The following SNX6 variants were observed in gnomAD, a reference collection of about 807,000 sequenced individuals.
SNX6 encodes the protein sorting nexin-6.
SNX6 carries 34 observed loss-of-function variants against 63.0 expected under a neutral mutation model. That is an observed-to-expected ratio of 0.54 (90% CI 0.41 to 0.72). The LOEUF (loss-of-function observed/expected upper bound fraction) is 0.72, where lower values mean the gene tolerates loss of function less well. Ranked by LOEUF, SNX6 falls within the 30% of genes least tolerant of loss-of-function variation. The probability of loss-of-function intolerance (pLI) is 0.00; values close to 1 mark genes in which losing one functional copy is unlikely to be tolerated. For missense variants in SNX6, 398 were observed against 471.4 expected (o/e 0.84, Z 1.44); for synonymous variants, 170 against 164.2 (o/e 1.04, Z -0.27).
chr14:34,587,684 C>G (rs566811148), intron 8 of SNX6, among the ~76,000 whole-genome samples: 1 of 151,888 alleles, frequency 6.6e-6, no homozygotes, highest in South Asian at 2.1e-4. Flanking sequence ...CAGGCATGAG[C>G]ACGGTGGCAT....
At chr14:34,573,599 T>A (rs1450394132) in intron 11 of SNX6, among the ~76,000 whole-genome samples, 2 of 151,822 alleles carry the variant, frequency 1.3e-5, no homozygotes, top group Non-Finnish European at 1.5e-5. Context: ...TTGTTTTTGG[T>A]TAGTGTTTTA....
chr14:34,593,076 A>G lies in SNX6; in HGVS notation c.687T>C (p.Ala229=). 3 of 1,608,072 alleles carry G rather than the reference A, an allele frequency of 1.9e-6. No homozygotes were observed. Among genetic ancestry groups the G allele is most frequent in the Non-Finnish European group, 2.5e-6 (3 of 1,178,152 alleles). ...EYHNRVKDAS[A]KSDRMTRSHK... is the part of the protein sequence containing the mutation. The stretch of plus-strand genomic sequence containing the variant: ...GGGATCTTGTCATTCTATCAGATTT[A>G]GCAGATGCATCCTTAACTCGGTTAT... The change falls in exon 8 of 14, where the codon GCT becomes GCC. Residue 229 remains alanine (A), a synonymous_variant. Transcript: ENST00000362031.
At chr14:34,567,260 G>A (rs1343030398) in intron 13 of SNX6, among the ~76,000 whole-genome samples, 7 of 151,998 alleles carry the variant, frequency 4.6e-5, no homozygotes, top group African/African-American at 1.7e-4. Flanking sequence ...GCTGAGGCAG[G>A]AGGATCATTT....
In SNX6 at chr14:34,607,476, G is replaced by C. The variant is rs548501970; in HGVS notation, c.270+554C>G. ...ACAAAAAAAATTAGCCGGGCATGGTGGTGGGTGCCTGTAATCCCAGCGACT... is the reference window on the plus strand; with the variant it reads ...ACAAAAAAAATTAGCCGGGCATGGTCGTGGGTGCCTGTAATCCCAGCGACT... On this transcript the variant is annotated intron_variant, in intron 4 of 13. Coordinates refer to ENST00000362031, the MANE Select transcript of SNX6 (RefSeq NM_152233.4). 7.6e-4 allele frequency among the ~76,000 whole-genome samples: 115 copies of C among 151,968 alleles called. 2 individuals are homozygous for C. In the South Asian group the frequency reaches 0.021, roughly 28 times the overall value.
intron 9 of SNX6, among the ~76,000 whole-genome samples, chr14:34,583,302 C>G (rs1882016511): frequency 6.6e-6 from 1 of 152,104 alleles, no homozygotes. Flanking sequence ...GAGCGAGACT[C>G]CGTCTCAAGA....
chr14:34,565,960 A>G (rs967638392), intron 13 of SNX6, among the ~76,000 whole-genome samples: 11 of 152,262 alleles, frequency 7.2e-5, no homozygotes, highest in Middle Eastern at 3.4e-3. Flanking sequence ...AAGTGCTGGG[A>G]TTACAGGCGT....
chr14:34,598,297 A>G (rs1293659741), intron 6 of SNX6, among the ~76,000 whole-genome samples: 1 of 152,148 alleles, frequency 6.6e-6, no homozygotes, highest in East Asian at 1.9e-4. Context: ...ATGTACTTCC[A>G]TTGCTTCAAT....
At chr14:34,606,266 G>A (rs570171288) in intron 4 of SNX6, among the ~76,000 whole-genome samples, 11 of 148,142 alleles carry the variant, frequency 7.4e-5, no homozygotes, top group East Asian at 6.0e-4. Flanking sequence ...GATTATAAGC[G>A]CACGACACCA....
chr14:34,575,617 A>C, intron 11 of SNX6, 139 bp downstream of exon 11: 1 of 439,626 alleles, frequency 2.3e-6, no homozygotes, highest in Non-Finnish European at 4.2e-6. Flanking sequence ...AATTTCTAAA[A>C]GGAGAAATAG....
chr14:34,591,274 C>G (rs1882381460), intron 8 of SNX6, among the ~76,000 whole-genome samples: 1 of 151,618 alleles, frequency 6.6e-6, no homozygotes, highest in Non-Finnish European at 1.5e-5. Flanking sequence ...TTGAGTGGTT[C>G]TTTTACATAT....
At chr14:34,572,475 T>C (rs1022064596) in intron 11 of SNX6, among the ~76,000 whole-genome samples, 1 of 152,150 alleles carries the variant, frequency 6.6e-6, no homozygotes, top group Admixed American at 6.6e-5. Context: ...AAATAGTTTA[T>C]AAGATATAAT....
intron 8 of SNX6, among the ~76,000 whole-genome samples, chr14:34,588,191 T>C (rs1401652824): frequency 1.3e-5 from 2 of 151,914 alleles, no homozygotes; most frequent in Non-Finnish European, 2.9e-5. Context: ...GTATTTTTAG[T>C]AGAGACAGGG....
At chr14:34,609,893 AT>A (rs1426482386) in intron 2 of SNX6, 151 bp from the exon 3 acceptor site, 3 of 568,036 alleles carry the variant, frequency 5.3e-6, no homozygotes, top group African/African-American at 1.9e-5. Context: ...TACTATATAC[AT>A]TTTGAAGCAG....
intron 11 of SNX6, among the ~76,000 whole-genome samples, chr14:34,574,188 T>C (rs1278122286): frequency 3.3e-5 from 5 of 149,744 alleles, no homozygotes; most frequent in Non-Finnish European, 5.9e-5. Flanking sequence ...ATACAAAAAT[T>C]AGCCAGGCGC....
At chr14:34,601,046 A>G (rs1455796570) in intron 6 of SNX6, among the ~76,000 whole-genome samples, 1 of 152,048 alleles carries the variant, frequency 6.6e-6, no homozygotes, top group Non-Finnish European at 1.5e-5. Flanking sequence ...TAGGCAGGGA[A>G]GGAAAAAATA....
In SNX6 at chr14:34,604,112, CAAG is replaced by C; in HGVS notation, c.393-644_393-642del. The C allele has an allele frequency of 3.3e-6, 4 of 1,223,686 alleles. No homozygotes were observed. In the South Asian group the frequency reaches 5.7e-5, roughly 17 times the overall value. 75.8% of individuals were successfully genotyped at this position (1,223,686 alleles called of 1,614,324 possible). A position where few individuals can be genotyped will look rare whatever the true frequency, so the allele number is the denominator to read the frequency against. ...TTGATATTCTTGCTTCAACTACGTG[CAAG>C]AAGGATAAGTTTTACATACCAGCAA... On this transcript the variant is annotated intron_variant, in intron 5 of 13. Coordinates refer to ENST00000362031, the MANE Select transcript of SNX6 (RefSeq NM_152233.4).
intron 4 of SNX6, among the ~76,000 whole-genome samples, chr14:34,607,353 C>T (rs80021290): frequency 0.097 from 14,709 of 151,982 alleles, 1,066 homozygotes; most frequent in African/African-American, 0.21. Context: ...TGCCTGTAAT[C>T]CCAGAACTTT....
intron 2 of SNX6, among the ~76,000 whole-genome samples, chr14:34,627,900 T>C (rs1883890700): frequency 6.6e-6 from 1 of 152,148 alleles, no homozygotes. Flanking sequence ...GGATTAAAGG[T>C]GTGAGCCATT....
intron 8 of SNX6, 86 bp from the exon 9 acceptor site, chr14:34,586,391 A>G: frequency 1.3e-6 from 1 of 783,868 alleles, no homozygotes; most frequent in Non-Finnish European, 2.1e-6. Context: ...ACAATGTGTA[A>G]TATGAGACAC....
Sources: gnomAD v4.1 joint callset for allele counts (sites outside exome capture counted in the v4.1 genomes callset) on GRCh38, gnomAD v4.1.1 for gene constraint, MANE v1.5 for transcripts, NCBI Gene and HGNC (gene_info 2026-07-23, HGNC 2026-07-21) for gene names.